Variants in CAST observed in about 807,000 individuals in gnomAD.
The protein encoded by CAST is MIR583 host.
Under a neutral mutation model 119.6 loss-of-function variants are expected in CAST, and 76 were observed. That is an observed-to-expected ratio of 0.64 (90% CI 0.53 to 0.77). CAST has a LOEUF of 0.77. Among genes scored for constraint, CAST ranks in the 30% least tolerant of loss-of-function variants. CAST has a pLI of 0.00. For missense variants in CAST, 953 were observed against 946.5 expected (o/e 1.01, Z -0.09); for synonymous variants, 319 against 331.6 (o/e 0.96, Z 0.41).
intron 16 of CAST, among the ~76,000 whole-genome samples, chr5:96,744,563 G>A (rs534641927): frequency 1.3e-5 from 2 of 152,314 alleles, no homozygotes; most frequent in East Asian, 3.9e-4. Context: ...TGAGATTTGG[G>A]TGGGGACACA....
chr5:95,997,018 T>A, the CAST span, among the ~76,000 whole-genome samples: 1 of 152,154 alleles, frequency 6.6e-6, no homozygotes, highest in South Asian at 2.1e-4. Flanking sequence ...TTTTACATAT[T>A]CATGTTGCTC....
the CAST span, among the ~76,000 whole-genome samples, chr5:96,426,791 C>T: frequency 6.6e-6 from 1 of 152,102 alleles, no homozygotes; most frequent in Non-Finnish European, 1.5e-5. Context: ...TGTGAGAGTA[C>T]TCATGAATCA....
At chr5:96,728,241 C>CAGGTGAGGGTGAA in intron 6 of CAST, 1 of 152,418 alleles carries the variant, frequency 6.6e-6, no homozygotes, top group African/African-American at 2.4e-5. Flanking sequence ...ACTTCAGGCA[C>CAGGTGAGGGTGAA]AGGTGAGGGT....
At chr5:95,987,329 G>A in the CAST span, among the ~76,000 whole-genome samples, 6 of 151,820 alleles carry the variant, frequency 4.0e-5, no homozygotes, top group African/African-American at 1.5e-4. Context: ...TGTTAACCAT[G>A]CTTGAGAGAA....
At chr5:96,759,233 G>T (rs1396441837) in intron 24 of CAST, among the ~76,000 whole-genome samples, 2 of 152,066 alleles carry the variant, frequency 1.3e-5, no homozygotes, top group Non-Finnish European at 2.9e-5. Context: ...AGAAATTTGG[G>T]GGAGAAGTAT....
the CAST span, among the ~76,000 whole-genome samples, chr5:96,097,314 G>A: frequency 6.6e-6 from 1 of 150,978 alleles, no homozygotes; most frequent in Non-Finnish European, 1.5e-5. Flanking sequence ...TTTCAAGGTA[G>A]GATGAGCTCA....
chr5:96,307,935 A>G, the CAST span, among the ~76,000 whole-genome samples: 1 of 151,904 alleles, frequency 6.6e-6, no homozygotes. Context: ...GTGTCTTGGG[A>G]TTGCTCTTCT....
chr5:96,274,140 C>T, the CAST span, among the ~76,000 whole-genome samples: 1,127 of 150,314 alleles, frequency 7.5e-3, 12 homozygotes, highest in African/African-American at 0.026. Context: ...CTTACTCTGA[C>T]GCCTAGGTTG....
the CAST span, among the ~76,000 whole-genome samples, chr5:96,133,301 A>C: frequency 1.3e-5 from 2 of 151,954 alleles, no homozygotes; most frequent in African/African-American, 4.8e-5. Context: ...GAGAAAAAAA[A>C]AAAACACACA....
intron 3 of CAST, among the ~76,000 whole-genome samples, chr5:96,703,119 T>G (rs1331793733): frequency 6.6e-6 from 1 of 152,178 alleles, no homozygotes; most frequent in East Asian, 1.9e-4. Flanking sequence ...CGACTCCTCC[T>G]CCTTGTCGGT....
chr5:96,115,851 G>C, the CAST span, among the ~76,000 whole-genome samples: 2 of 151,734 alleles, frequency 1.3e-5, no homozygotes, highest in African/African-American at 4.8e-5. Context: ...GAAGTACCCA[G>C]ACTATTTCAA....
At chr5:96,073,542 T>C in the CAST span, among the ~76,000 whole-genome samples, 1 of 152,128 alleles carries the variant, frequency 6.6e-6, no homozygotes, top group Non-Finnish European at 1.5e-5. Flanking sequence ...ACCAGTTTCC[T>C]TGAAGACAAT....
chr5:96,616,749 T>TACAC (rs1290622874), intron 1 of CAST, among the ~76,000 whole-genome samples: 8 of 115,892 alleles, frequency 6.9e-5, no homozygotes, highest in East Asian at 2.0e-4. Context: ...TCTCTCTATA[T>TACAC]ATATACACAC....
At chr5:96,287,851 AG>A in the CAST span, among the ~76,000 whole-genome samples, 1 of 152,146 alleles carries the variant, frequency 6.6e-6, no homozygotes, top group Non-Finnish European at 1.5e-5. Flanking sequence ...TCTCAAAAAA[AG>A]AAAAAAAAGA....
chr5:96,161,126 A>G, the CAST span, among the ~76,000 whole-genome samples: 1 of 151,786 alleles, frequency 6.6e-6, no homozygotes, highest in Non-Finnish European at 1.5e-5. Context: ...AGACCAATTT[A>G]TTTTTTCTTC....
chr5:96,548,510 G>A (rs1295860053), intron 1 of CAST, among the ~76,000 whole-genome samples: 1 of 152,052 alleles, frequency 6.6e-6, no homozygotes, highest in Non-Finnish European at 1.5e-5. Flanking sequence ...TGTCCTTTGT[G>A]GTAGATGCAC....
intron 29 of CAST, chr5:96,768,531 A>G (rs1770904004): frequency 5.4e-6 from 2 of 373,790 alleles, no homozygotes; most frequent in Admixed American, 7.4e-5. Flanking sequence ...ATTTTACATA[A>G]TTATACTTAC....
At chr5:96,173,337 G>A in the CAST span, among the ~76,000 whole-genome samples, 1 of 152,206 alleles carries the variant, frequency 6.6e-6, no homozygotes, top group South Asian at 2.1e-4. Flanking sequence ...GCAAGAGTCC[G>A]GGGTATAGTC....
chr5:96,690,450 G>A (rs1752604225), intron 2 of CAST, among the ~76,000 whole-genome samples: 1 of 151,994 alleles, frequency 6.6e-6, no homozygotes, highest in Non-Finnish European at 1.5e-5. Context: ...GGCTGGTCTC[G>A]AACTCCTGAC....
Sources: allele counts gnomAD v4.1 joint callset (sites outside exome capture counted in the v4.1 genomes callset), GRCh38; gene constraint gnomAD v4.1.1; transcripts MANE v1.5; gene names NCBI Gene and HGNC (gene_info 2026-07-23, HGNC 2026-07-21).